The following SGK1 variants were observed in gnomAD, a reference collection of about 807,000 sequenced individuals.
SGK1 encodes the protein serum/glucocorticoid regulated kinase 1, also known as serine/threonine-protein kinase Sgk1.
Under a neutral mutation model 64.2 loss-of-function variants are expected in SGK1, and 26 were observed. That is an observed-to-expected ratio of 0.40 (90% CI 0.30 to 0.56). The LOEUF is 0.56. Ranked by LOEUF, SGK1 falls within the 20% of genes least tolerant of loss-of-function variation. The pLI is 0.38. For missense variants in SGK1, 519 were observed against 645.6 expected, an observed-to-expected ratio of 0.80 and a Z score of 2.12; for synonymous variants, 265 against 239.7, an observed-to-expected ratio of 1.11 and a Z score of -0.98.
chr6:134,228,998 T>C (rs920146567), intron 2 of SGK1, among the ~76,000 whole-genome samples: 6 of 152,230 alleles, frequency 3.9e-5, no homozygotes, highest in Non-Finnish European at 8.8e-5. Flanking sequence ...CGCCCGCCAC[T>C]GCGCCCAGCT....
intron 2 of SGK1, among the ~76,000 whole-genome samples, chr6:134,211,783 T>G (rs1775892747): frequency 6.7e-6 from 1 of 149,328 alleles, no homozygotes; most frequent in African/African-American, 2.5e-5. Flanking sequence ...TCCCTCCTAC[T>G]GAATCACTTG....
At chr6:134,302,121 G>C (rs879416112) in intron 1 of SGK1, among the ~76,000 whole-genome samples, 1 of 152,128 alleles carries the variant, frequency 6.6e-6, no homozygotes, top group Non-Finnish European at 1.5e-5. Flanking sequence ...AATTTCAAAT[G>C]GACTTTAAGT....
Position 134,171,687 on chromosome 6 carries a change from C to T in SGK1, c.1117G>A (p.Val373Met), listed in dbSNP as rs755224811. The change falls in exon 11 of 14, where the codon GTG becomes ATG. Residue 373 changes from valine (V) to methionine (M), a missense_variant. By Grantham distance (21) the Val-to-Met change is conservative. Transcript: ENST00000367858. ...VLHKQPYDRT[V>M]DWWCLGAVLY... ...ACAGCTCCCAGGCACCACCAGTCCA[C>T]AGTCCTGTCATAAGGCTGCTTATGA... The T allele has an allele frequency of 6.2e-7, 1 of 1,614,072 alleles. No homozygotes were observed. The highest frequency in any genetic ancestry group is 8.5e-7 in the Non-Finnish European group (1 of 1,179,922).
rs566943454 is a variant in SGK1 at position 134,237,245 on chromosome 6, C to T, written c.285+24688G>A. Among the ~76,000 whole-genome samples, 10 of 151,890 alleles carry T rather than the reference C, an allele frequency of 6.6e-5. No individual in the cohort carries two copies. The South Asian group carries it at 2.1e-3, about 32-fold the overall frequency. ...AATTTTTTTGCATTTTTGGTAGAGA[C>T]AGGATTTCACCATGTTGCCCAGGCT... is the stretch of plus-strand genomic sequence containing the variant. On this transcript the variant is annotated intron_variant, in intron 2 of 13. Coordinates refer to ENST00000367858, the MANE Select transcript of SGK1 (RefSeq NM_001143676.3).
At chr6:134,297,323 C>T in intron 1 of SGK1, 2 of 1,207,958 alleles carry the variant, frequency 1.7e-6, no homozygotes, top group Non-Finnish European at 2.4e-6. Flanking sequence ...GCTATCGCGC[C>T]ATGTCCTGCT....
chr6:134,305,186 C>A (rs1304295755), intron 1 of SGK1, among the ~76,000 whole-genome samples: 9 of 151,870 alleles, frequency 5.9e-5, no homozygotes, highest in Non-Finnish European at 4.4e-5. Flanking sequence ...GGTGAAACCC[C>A]CATCTCCACT....
In SGK1 at chr6:134,198,726, A is replaced by ATTTTTTTTTTTTT. The variant is rs1178699258; in HGVS notation, c.361+8617_361+8629dup. On this transcript the variant is annotated intron_variant, in intron 3 of 13. Coordinates refer to ENST00000367858, the MANE Select transcript of SGK1 (RefSeq NM_001143676.3). The stretch of plus-strand genomic sequence containing the variant: ...TTTTTTCTTCTTTTTCTCTTTTTCT[A>ATTTTTTTTTTTTT]TTTTTTTTTTTTTTTTTTTTGAAAA... Among the ~76,000 whole-genome samples the ATTTTTTTTTTTTT allele has an allele frequency of 2.5e-4, 25 of 101,778 alleles. 2 individuals are homozygous for ATTTTTTTTTTTTT. The highest frequency in any genetic ancestry group is 3.9e-4 in the Non-Finnish European group (21 of 53,350). 66.8% of individuals were successfully genotyped at this position (101,778 alleles called of 152,430 possible).
At chr6:134,296,528 C>A (rs983894559) in intron 1 of SGK1, among the ~76,000 whole-genome samples, 6 of 152,084 alleles carry the variant, frequency 3.9e-5, no homozygotes, top group African/African-American at 1.4e-4. Flanking sequence ...CACTTTGTTG[C>A]CCAAGCTGGT....
At chr6:134,264,705 C>T (rs980795150) in intron 1 of SGK1, among the ~76,000 whole-genome samples, 8 of 151,982 alleles carry the variant, frequency 5.3e-5, no homozygotes, top group Non-Finnish European at 1.5e-5. Context: ...TGCATTGGCA[C>T]GATGACAGCT....
intron 2 of SGK1, among the ~76,000 whole-genome samples, chr6:134,244,459 G>T (rs926414838): frequency 3.3e-5 from 5 of 152,166 alleles, no homozygotes; most frequent in Non-Finnish European, 7.3e-5. Flanking sequence ...ATAGTAGAAT[G>T]ATTTATAATC....
chr6:134,206,895 T>G lies in SGK1; in HGVS notation c.361+461A>C, dbSNP rs1356274281. On this transcript the variant is annotated intron_variant, in intron 3 of 13. Transcript: ENST00000367858. ...AAAAAAAAAAAAAACAAAAAAAAAA[T>G]TAATTGCAGTGTATTCGAGTGTTGG... Among the ~76,000 whole-genome samples, 6 of 61,966 alleles carry G rather than the reference T, an allele frequency of 9.7e-5. No individual in the cohort carries two copies. In the Admixed American group the frequency reaches 1.0e-3, roughly 11 times the overall value. 40.7% of individuals were successfully genotyped at this position (61,966 alleles called of 152,430 possible). A position where few individuals can be genotyped will look rare whatever the true frequency, so the allele number is the denominator to read the frequency against.
chr6:134,273,540 C>T (rs369152260), intron 1 of SGK1, among the ~76,000 whole-genome samples: 9 of 131,142 alleles, frequency 6.9e-5, no homozygotes, highest in African/African-American at 2.0e-4. Context: ...TTGCAGTGAG[C>T]CGAGATCCCG....
At chr6:134,186,525 C>T (rs1775425950) in intron 3 of SGK1, among the ~76,000 whole-genome samples, 2 of 152,186 alleles carry the variant, frequency 1.3e-5, no homozygotes, top group African/African-American at 4.8e-5. Context: ...ATACTCATCA[C>T]AGTTGCAGTG....
intron 2 of SGK1, among the ~76,000 whole-genome samples, chr6:134,242,305 G>A (rs1776461663): frequency 6.6e-6 from 1 of 152,078 alleles, no homozygotes; most frequent in African/African-American, 2.4e-5. Flanking sequence ...GGCCAACGTG[G>A]CAAAACCCTG....
intron 3 of SGK1, among the ~76,000 whole-genome samples, chr6:134,193,638 C>T (rs1364786113): frequency 1.3e-5 from 2 of 150,502 alleles, no homozygotes; most frequent in Non-Finnish European, 3.0e-5. Context: ...ACTGAAGTTG[C>T]TGTTGTTTTA....
intron 2 of SGK1, among the ~76,000 whole-genome samples, chr6:134,246,565 C>T (rs913815846): frequency 1.3e-5 from 2 of 152,116 alleles, no homozygotes; most frequent in Non-Finnish European, 2.9e-5. Flanking sequence ...AACCTCTCAG[C>T]AACCCTGTTA....
At chr6:134,262,879 G>A (rs1253310033) in intron 1 of SGK1, among the ~76,000 whole-genome samples, 3 of 150,418 alleles carry the variant, frequency 2.0e-5, no homozygotes, top group African/African-American at 7.4e-5. Context: ...TTGTCTCTAC[G>A]AAAAAAATAA....
intron 7 of SGK1, 53 bp from the exon 8 acceptor site, chr6:134,173,207 T>C (rs1775088273): frequency 8.7e-6 from 14 of 1,609,738 alleles, no homozygotes; most frequent in South Asian, 5.5e-5. Flanking sequence ...GGCACCAACA[T>C]TCCAGAATCA....
chr6:134,265,484 C>CA (rs560164746), intron 1 of SGK1, among the ~76,000 whole-genome samples: 1 of 145,972 alleles, frequency 6.9e-6, no homozygotes, highest in African/African-American at 2.5e-5. Flanking sequence ...AACAAACAAA[C>CA]AAAAAAAATA....
Sources: gnomAD v4.1 joint callset for allele counts (sites outside exome capture counted in the v4.1 genomes callset) on GRCh38, gnomAD v4.1.1 for gene constraint, MANE v1.5 for transcripts, NCBI Gene and HGNC (gene_info 2026-07-23, HGNC 2026-07-21) for gene names.